RBM33: variants seen among roughly 807,000 people sequenced by gnomAD.
RBM33 encodes RNA-binding protein 33.
In RBM33, 28 loss-of-function variants were observed where a neutral mutation model predicts 132.6. The observed-to-expected ratio is 0.21, with a 90% CI of 0.16 to 0.29. RBM33 has a LOEUF of 0.29. Ranked by LOEUF, RBM33 falls within the 10% of genes least tolerant of loss-of-function variation. The pLI, the probability that RBM33 is intolerant of heterozygous loss-of-function variation, is 1.00. For synonymous variants in RBM33, 634 were observed against 593.0 expected, an observed-to-expected ratio of 1.07 and a Z score of -1.01; for missense variants, 1,291 against 1,518.5, an observed-to-expected ratio of 0.85 and a Z score of 2.49.
chr7:155,761,514 C>T lies in RBM33; in HGVS notation c.2980-2298C>T, dbSNP rs1016118576. Among the ~76,000 whole-genome samples, 4 of 152,254 alleles carry T rather than the reference C, an allele frequency of 2.6e-5. No individual in the cohort carries two copies. In the East Asian group the frequency reaches 5.8e-4, roughly 22 times the overall value. On this transcript the variant is annotated intron_variant, in intron 14 of 17. Coordinates refer to ENST00000401878, the MANE Select transcript of RBM33 (RefSeq NM_053043.3). ...TTCTATTCGTATTTTCTCTTTCGGT[C>T]AGTTTTGGTACTTGTGTCTCGTTGA... is the stretch of plus-strand genomic sequence containing the variant.
chr7:155,780,185 C>A lies in RBM33; in HGVS notation c.*5144C>A, dbSNP rs1263974004. The A allele has an allele frequency of 6.6e-6, 1 of 152,210 alleles. No individual in the cohort carries two copies. Among genetic ancestry groups the A allele is most frequent in the Non-Finnish European group, 1.5e-5 (1 of 68,046 alleles). The allele number at this position is 152,210 out of a possible 1,614,324, so 9.4% of individuals were successfully genotyped here. On this transcript the variant is annotated 3_prime_UTR_variant, in exon 18 of 18. Transcript: ENST00000401878. ...AAGGACTGTGTAAGCTGTATGCGTTCTAGCTGTATGCGTTCTGTAGTCTTT... is the reference window on the plus strand; with the variant it reads ...AAGGACTGTGTAAGCTGTATGCGTTATAGCTGTATGCGTTCTGTAGTCTTT...
At chr7:155,714,681 C>G (rs1428837897) in intron 8 of RBM33, among the ~76,000 whole-genome samples, 3 of 152,082 alleles carry the variant, frequency 2.0e-5, no homozygotes, top group Non-Finnish European at 4.4e-5. Context: ...GCCATTAGAG[C>G]GAGAAGGTGA....
In RBM33 at chr7:155,739,813, G is replaced by T. The variant is rs749763123; in HGVS notation, c.1836G>T (p.Pro612=). The T allele has an allele frequency of 1.4e-4, 52 of 362,034 alleles. No individual in the cohort carries two copies. The highest frequency in any genetic ancestry group is 4.7e-4 in the South Asian group (10 of 21,504). The allele number at this position is 362,034 out of a possible 1,614,324, so 22.4% of individuals were successfully genotyped here. A position where few individuals can be genotyped will look rare whatever the true frequency, so the allele number is the denominator to read the frequency against. The part of the protein sequence containing the change: ...PPQHQPPHQP[P]HQPPPQHQPP... ...AGCACCAGCCTCCGCACCAGCCCCC[G>T]CACCAGCCCCCGCCCCAGCACCAGC... Residue 612 remains proline (P), a synonymous_variant, in exon 12 of 18, where the codon CCG becomes CCT. Transcript: ENST00000401878.
At chr7:155,690,607 G>A (rs942531880) in intron 5 of RBM33, among the ~76,000 whole-genome samples, 8 of 152,050 alleles carry the variant, frequency 5.3e-5, no homozygotes, top group Non-Finnish European at 1.0e-4. Flanking sequence ...GGCTGGTACC[G>A]GTTGTTCCTT....
At chr7:155,680,309 A>C (rs1231150938) in intron 4 of RBM33, among the ~76,000 whole-genome samples, 1 of 152,222 alleles carries the variant, frequency 6.6e-6, no homozygotes, top group African/African-American at 2.4e-5. Context: ...TCATTTGGTC[A>C]AATAACCTGC....
rs751100417 is a variant in RBM33 at position 155,739,798 on chromosome 7, TCCGCACCAGCCCCCGCACCAGCCC to T, written c.1826_1849del (p.His609_Pro616del). 1.4e-6 allele frequency: 2 copies of T among 1,417,938 alleles called. No individual in the cohort carries two copies. The highest frequency in any genetic ancestry group is 2.3e-5 in the Admixed American group (1 of 44,038). 87.8% of individuals were successfully genotyped at this position (1,417,938 alleles called of 1,614,324 possible). A position where few individuals can be genotyped will look rare whatever the true frequency, so the allele number is the denominator to read the frequency against. ...AACAGCCCCCGCCACAGCACCAGCC[TCCGCACCAGCCCCCGCACCAGCCC>T]CCGCCCCAGCACCAGCCCCCACCCC... On this transcript the variant is annotated inframe_deletion, in exon 12 of 18. Transcript: ENST00000401878.
At chr7:155,693,923 G>T (rs1163623895) in intron 5 of RBM33, among the ~76,000 whole-genome samples, 1 of 152,096 alleles carries the variant, frequency 6.6e-6, no homozygotes, top group Admixed American at 6.6e-5. Flanking sequence ...TCAGGGAGGA[G>T]TACCATTTTT....
At position 155,644,916 on chromosome 7, in the gene RBM33, G is replaced by A; in HGVS notation, c.40G>A (p.Gly14Arg). 6.7e-7 allele frequency: 1 copy of A among 1,498,848 alleles called. No individual in the cohort carries two copies. The highest frequency in any genetic ancestry group is 1.2e-5 in the South Asian group (1 of 80,488). The allele number at this position is 1,498,848 out of a possible 1,614,324, so 92.8% of individuals were successfully genotyped here. Reference sequence around the variant, plus strand: ...GGGAGCGAGCGGAGGAGCAGGCGCCGGAGGTACGTGAGGCAGCCGGACTCT... The same window carrying A: ...GGGAGCGAGCGGAGGAGCAGGCGCCAGAGGTACGTGAGGCAGCCGGACTCT... ...ALGASGGAGA[G>R]DDDFDQFDKP... The change falls in exon 1 of 18, where the codon GGA (glycine) becomes AGA (arginine). Residue 14 changes from glycine (G) to arginine (R), a missense_variant. By Grantham distance (125) the Gly-to-Arg change is moderately radical. This residue lies in a region of RBM33 where 194 missense variants were observed against 249.8 expected (regional missense o/e 0.78). Coordinates refer to ENST00000401878, the MANE Select transcript of RBM33 (RefSeq NM_053043.3).
intron 1 of RBM33, among the ~76,000 whole-genome samples, chr7:155,658,490 C>T (rs1043022059): frequency 5.9e-5 from 9 of 151,382 alleles, no homozygotes; most frequent in Non-Finnish European, 1.5e-5. Flanking sequence ...CTGCAACCTC[C>T]GCGGGGTTCA....
At chr7:155,754,565 G>C (rs891306423) in intron 14 of RBM33, among the ~76,000 whole-genome samples, 1 of 152,240 alleles carries the variant, frequency 6.6e-6, no homozygotes, top group Non-Finnish European at 1.5e-5. Flanking sequence ...TAGACTGGTA[G>C]ATTTGTGCTG....
chr7:155,728,128 A>G (rs1172073612), intron 9 of RBM33, among the ~76,000 whole-genome samples: 1 of 151,962 alleles, frequency 6.6e-6, no homozygotes, highest in Non-Finnish European at 1.5e-5. Context: ...GTTTTTTCTG[A>G]GTGGTGTCTT....
intron 14 of RBM33, chr7:155,746,385 C>T (rs1321099894): frequency 2.6e-5 from 4 of 151,404 alleles, no homozygotes; most frequent in East Asian, 3.9e-4. Context: ...AAAAAAAAAG[C>T]GTCATAGAAT....
intron 1 of RBM33, among the ~76,000 whole-genome samples, chr7:155,650,451 G>A (rs1798324516): frequency 6.6e-6 from 1 of 152,064 alleles, no homozygotes; most frequent in Non-Finnish European, 1.5e-5. Context: ...TGCATTCTGG[G>A]GTTCAAAATC....
chr7:155,700,979 T>C (rs1322163405), intron 6 of RBM33, 35 bp downstream of exon 6: 1 of 1,538,728 alleles, frequency 6.5e-7, no homozygotes, highest in Non-Finnish European at 8.9e-7. Flanking sequence ...CCTCCTTTAC[T>C]CTCATTTCAA....
At chr7:155,750,827 A>G (rs1168881921) in intron 14 of RBM33, among the ~76,000 whole-genome samples, 2 of 152,140 alleles carry the variant, frequency 1.3e-5, no homozygotes, top group Non-Finnish European at 2.9e-5. Context: ...GTTAATGAAA[A>G]TTTTAAGAAT....
chr7:155,760,144 C>T (rs1156355750), intron 14 of RBM33, among the ~76,000 whole-genome samples: 1 of 152,190 alleles, frequency 6.6e-6, no homozygotes, highest in Non-Finnish European at 1.5e-5. Flanking sequence ...TCAGTGCCTT[C>T]TGTGTGCATG....
intron 5 of RBM33, among the ~76,000 whole-genome samples, chr7:155,689,830 C>A (rs1017205685): frequency 1.3e-5 from 2 of 152,204 alleles, no homozygotes; most frequent in Admixed American, 1.3e-4. Context: ...GCACTGTGGT[C>A]TGAGAGACAG....
In RBM33 at chr7:155,775,205, G is replaced by T. The variant is rs1419700590; in HGVS notation, c.*164G>T. On this transcript the variant is annotated 3_prime_UTR_variant, in exon 18 of 18. Transcript: ENST00000401878. ...GCCAGCCACGGGCCTGATTCCAGAG[G>T]AGCCGAACTGACAGGACACAGCAGG... 1.4e-6 allele frequency: 1 copy of T among 720,712 alleles called. No homozygotes were observed. Among genetic ancestry groups the T allele is most frequent in the East Asian group, 2.7e-5 (1 of 37,326 alleles). The allele number at this position is 720,712 out of a possible 1,614,324, so 44.6% of individuals were successfully genotyped here. A position where few individuals can be genotyped will look rare whatever the true frequency, so the allele number is the denominator to read the frequency against.
chr7:155,711,804 C>T (rs1020420270), intron 8 of RBM33, among the ~76,000 whole-genome samples: 1 of 152,202 alleles, frequency 6.6e-6, no homozygotes, highest in Non-Finnish European at 1.5e-5. Context: ...TTTCCACTAA[C>T]GATAGCCTTA....
Sources: gnomAD v4.1 joint callset for allele counts (sites outside exome capture counted in the v4.1 genomes callset) on GRCh38, gnomAD v4.1.1 for gene constraint, gnomAD v4.1.1 regional missense constraint, MANE v1.5 for transcripts, NCBI Gene and HGNC (gene_info 2026-07-23, HGNC 2026-07-21) for gene names.